The following UHRF1 variants were observed in gnomAD, a reference collection of about 807,000 sequenced individuals.
UHRF1 encodes ubiquitin like with PHD and ring finger domains 1.
Under a neutral mutation model 96.5 loss-of-function variants are expected in UHRF1, and 9 were observed. That is an observed-to-expected ratio of 0.09 (90% CI 0.06 to 0.16). UHRF1 has a LOEUF of 0.16. UHRF1 is among the 10% of genes least tolerant of loss of function. The pLI is 1.00. For synonymous variants in UHRF1, 455 were observed against 469.9 expected, an observed-to-expected ratio of 0.97 and a Z score of 0.41; for missense variants, 626 against 1,131.1, an observed-to-expected ratio of 0.55 and a Z score of 6.40.
intron 10 of UHRF1, 52 bp downstream of exon 10, chr19:4,946,017 G>A: frequency 1.4e-6 from 2 of 1,403,172 alleles, no homozygotes; most frequent in Non-Finnish European, 1.9e-6. Flanking sequence ...TTTTTTGGAT[G>A]GTGGTAAAAT....
chr19:4,909,414 G>A (rs1333829840), upstream of UHRF1: 1 of 652,044 alleles, frequency 1.5e-6, no homozygotes, highest in Admixed American at 2.3e-5. Flanking sequence ...CACTGCGTCG[G>A]CCAATCAGGA....
At position 4,952,589 on chromosome 19, in the gene UHRF1, C is replaced by T. The variant is rs369715721; in HGVS notation, c.1818+1593C>T. Among the ~76,000 whole-genome samples, 150 of 151,538 alleles carry T rather than the reference C, an allele frequency of 9.9e-4. 3 individuals are homozygous for T. The South Asian group carries it at 0.029, about 29-fold the overall frequency. On this transcript the variant is annotated intron_variant, in intron 13 of 16. Transcript: ENST00000650932. ...TGTATTTCTAGTAGAGACGGGGTTT[C>T]GCCATGTTGGCCAGGCTGGTGACCT...
chr19:4,925,015 C>T (rs1038613477), intron 2 of UHRF1, among the ~76,000 whole-genome samples: 5 of 151,920 alleles, frequency 3.3e-5, no homozygotes, highest in African/African-American at 9.6e-5. Context: ...TTAGTAGAGA[C>T]GAGGTTTCAC....
In UHRF1 at chr19:4,903,088, GCC is replaced by G; in HGVS notation, c.-567_-566del. On this transcript the variant is annotated 5_prime_UTR_variant, in exon 1 of 17. Transcript: ENST00000612630. ...GTAGCCCAGGCTGGAGTGCAGGGGTGCCATCTTGGCTCACTGCAACCTCCGCC... is the reference window on the plus strand; with the variant it reads ...GTAGCCCAGGCTGGAGTGCAGGGGTGATCTTGGCTCACTGCAACCTCCGCC... 6.8e-6 allele frequency: 3 copies of G among 442,258 alleles called. No homozygotes were observed. In the South Asian group the frequency reaches 7.0e-5, roughly 10 times the overall value. The allele number at this position is 442,258 out of a possible 1,614,324, so 27.4% of individuals were successfully genotyped here.
intron 2 of UHRF1, among the ~76,000 whole-genome samples, chr19:4,911,291 T>A (rs2032265211): frequency 6.6e-6 from 1 of 152,162 alleles, no homozygotes; most frequent in Non-Finnish European, 1.5e-5. Flanking sequence ...CTTTTAAACT[T>A]CTTTTTTCAA....
At chr19:4,943,719 C>T (rs755216988) in intron 7 of UHRF1, among the ~76,000 whole-genome samples, 10 of 152,042 alleles carry the variant, frequency 6.6e-5, no homozygotes, top group Admixed American at 6.6e-5. Context: ...GGTGCAACCT[C>T]GGCTCACTGC....
intron 2 of UHRF1, among the ~76,000 whole-genome samples, chr19:4,926,233 C>T (rs897184605): frequency 1.3e-5 from 2 of 152,198 alleles, no homozygotes; most frequent in African/African-American, 4.8e-5. Context: ...GGGTTGCTTC[C>T]ACTCTCAGGC....
chr19:4,923,388 C>T (rs1340818284), intron 2 of UHRF1, among the ~76,000 whole-genome samples: 1 of 151,952 alleles, frequency 6.6e-6, no homozygotes, highest in Admixed American at 6.5e-5. Flanking sequence ...CCCAGGGCTG[C>T]ACCTCCGACC....
intron 5 of UHRF1, among the ~76,000 whole-genome samples, chr19:4,938,664 C>T (rs1294797104): frequency 2.7e-5 from 4 of 149,228 alleles, no homozygotes; most frequent in African/African-American, 7.4e-5. Context: ...TCGTCTCGGC[C>T]TCTCAAAGTG....
intron 2 of UHRF1, among the ~76,000 whole-genome samples, chr19:4,923,543 C>G (rs890627137): frequency 6.6e-6 from 1 of 151,206 alleles, no homozygotes; most frequent in Non-Finnish European, 1.5e-5. Context: ...GTGCCCCTCT[C>G]CCGCTGGCTG....
chr19:4,930,893 G>C lies in UHRF1; in HGVS notation c.569+17G>C, dbSNP rs1207606810. ...ATACGACGAGTGAGTCATGGCAGGT[G>C]GGCGGGCCTGGGTATTCAGGCTCTG... On this transcript the variant is annotated intron_variant, in intron 4 of 16. Coordinates refer to ENST00000650932, the MANE Select transcript of UHRF1 (RefSeq NM_001048201.3). The surrounding 1 kb of genome is among the most constrained non-coding windows in gnomAD (Gnocchi z 4.4). 1 of 1,613,274 alleles carries C rather than the reference G, an allele frequency of 6.2e-7. No homozygotes were observed. The highest frequency in any genetic ancestry group is 8.5e-7 in the Non-Finnish European group (1 of 1,179,514).
chr19:4,932,984 T>A (rs764482844), intron 5 of UHRF1, 28 bp downstream of exon 5: 5 of 1,568,172 alleles, frequency 3.2e-6, no homozygotes, highest in Non-Finnish European at 4.3e-6. Flanking sequence ...GGGCGAGCCC[T>A]TCCTCTCTCC....
At position 4,954,953 on chromosome 19, in the gene UHRF1, A is replaced by AACCATCACC; in HGVS notation, c.2130+144_2130+152dup. The AACCATCACC allele has an allele frequency of 8.5e-7, 1 of 1,171,330 alleles. No homozygotes were observed. The highest frequency in any genetic ancestry group is 1.5e-5 in the South Asian group (1 of 67,828). 72.6% of individuals were successfully genotyped at this position (1,171,330 alleles called of 1,614,324 possible). On this transcript the variant is annotated intron_variant, in intron 15 of 16. Transcript: ENST00000650932. The surrounding 1 kb of genome is among the most constrained non-coding windows in gnomAD (Gnocchi z 5.9). ...ACTGAGTACATTCTTGTGGTTGTGC[A>AACCATCACC]ACCATCACCACCATCACCACCTCCA...
chr19:4,930,085 G>A lies in UHRF1; in HGVS notation c.408+609G>A, dbSNP rs932604648. Reference sequence around the variant, plus strand: ...CAACTCCTGGGTTCAAGCAATTCTCGTGCCTCAGCCTCCTGAGTAGCTGGG... The same window carrying A: ...CAACTCCTGGGTTCAAGCAATTCTCATGCCTCAGCCTCCTGAGTAGCTGGG... On this transcript the variant is annotated intron_variant, in intron 3 of 16. Transcript: ENST00000650932. This position sits in a 1 kb window ranked among gnomAD's most constrained non-coding sequence, Gnocchi z 4.4. 3.3e-5 allele frequency among the ~76,000 whole-genome samples: 5 copies of A among 151,672 alleles called. No individual in the cohort carries two copies. The highest frequency in any genetic ancestry group is 9.7e-5 in the African/African-American group (4 of 41,280).
chr19:4,943,477 G>T (rs940549977), intron 7 of UHRF1, among the ~76,000 whole-genome samples: 1 of 147,574 alleles, frequency 6.8e-6, no homozygotes, highest in African/African-American at 2.6e-5. Context: ...GCACAGAAGT[G>T]GGTGTTGTTG....
At chr19:4,910,354 A>AGGAGGGGGGGCCGGCAG in intron 1 of UHRF1, 1 of 95,918 alleles carries the variant, frequency 1.0e-5, no homozygotes, top group Non-Finnish European at 2.4e-5. Flanking sequence ...GGGGCCGGCA[A>AGGAGGGGGGGCCGGCAG]GGAGGGGGGG....
At position 4,950,935 on chromosome 19, in the gene UHRF1, A is replaced by C; in HGVS notation, c.1757A>C (p.Glu586Ala). The C allele has an allele frequency of 1.2e-6, 2 of 1,612,668 alleles. No homozygotes were observed. The highest frequency in any genetic ancestry group is 1.7e-6 in the Non-Finnish European group (2 of 1,179,768). Residue 586 changes from glutamate (E) to alanine (A), a missense_variant, in exon 13 of 17, where the codon GAG (glutamate) becomes GCG (alanine). This residue lies in a region of UHRF1 where 61 missense variants were observed against 199.2 expected (regional missense o/e 0.31). Coordinates refer to ENST00000650932, the MANE Select transcript of UHRF1 (RefSeq NM_001048201.3). ...TACCTTCTGCGGAGGGACGATGATG[A>C]GCCTGGCCCTTGGACGAAGGAGGGG... is the stretch of plus-strand genomic sequence containing the variant. ...WRYLLRRDDD[E>A]PGPWTKEGKD...
At chr19:4,953,658 A>G (rs566603022) in intron 13 of UHRF1, among the ~76,000 whole-genome samples, 26 of 152,064 alleles carry the variant, frequency 1.7e-4, no homozygotes, top group Non-Finnish European at 2.9e-4. Flanking sequence ...TAGAGAGGGG[A>G]TCTTGCTATG....
At chr19:4,928,471 C>T (rs750000572) in intron 2 of UHRF1, among the ~76,000 whole-genome samples, 1 of 152,184 alleles carries the variant, frequency 6.6e-6, no homozygotes, top group Non-Finnish European at 1.5e-5. Flanking sequence ...CCTTGCATAC[C>T]TGCTGAGTCA....
Sources: gnomAD v4.1 joint callset for allele counts (sites outside exome capture counted in the v4.1 genomes callset) on GRCh38, gnomAD v4.1.1 for gene constraint, gnomAD v4.1.1 regional missense constraint, Gnocchi (gnomAD v3.1) non-coding constraint, MANE v1.5 for transcripts, NCBI Gene and HGNC (gene_info 2026-07-23, HGNC 2026-07-21) for gene names.